The following CACNA1D variants were observed in gnomAD, a reference collection of about 807,000 sequenced individuals.
CACNA1D encodes voltage-dependent L-type calcium channel subunit alpha-1D.
In CACNA1D, 55 loss-of-function variants were observed where a neutral mutation model predicts 257.1. The observed-to-expected ratio is 0.21, with a 90% CI of 0.17 to 0.27. The LOEUF (loss-of-function observed/expected upper bound fraction) is 0.27, where lower values mean the gene tolerates loss of function less well. Ranked by LOEUF, CACNA1D falls within the 10% of genes least tolerant of loss-of-function variation. CACNA1D has a pLI of 1.00. For missense variants in CACNA1D, 1,876 were observed against 2,784.0 expected, an observed-to-expected ratio of 0.67 and a Z score of 7.34; for synonymous variants, 980 against 1,014.9, an observed-to-expected ratio of 0.97 and a Z score of 0.65.
chr3:53,696,915 T>A (rs947008433), intron 8 of CACNA1D, among the ~76,000 whole-genome samples: 18 of 146,420 alleles, frequency 1.2e-4, no homozygotes, highest in Admixed American at 4.8e-4. Flanking sequence ...CTGAGTAGGA[T>A]GCCACCAGGG....
intron 8 of CACNA1D, among the ~76,000 whole-genome samples, chr3:53,674,626 A>G (rs2094356337): frequency 6.6e-6 from 1 of 152,202 alleles, no homozygotes; most frequent in Non-Finnish European, 1.5e-5. Context: ...TGGAGATGCC[A>G]TCCCAGAACC....
chr3:53,672,913 C>A, intron 7 of CACNA1D, 110 bp from the exon 8 acceptor site: 1 of 713,218 alleles, frequency 1.4e-6, no homozygotes, highest in Admixed American at 2.7e-5. Context: ...TGATTTAAAT[C>A]TAAGTAAATG....
rs1359504665 is a variant in CACNA1D at position 53,650,775 on chromosome 3, A to G, written c.484-4A>G. ...TTGGTATGTTTCTTTGTTTTTCTTC[A>G]CAGGAAAAAGTAGAATATGCCTTCC... On this transcript the variant is annotated splice_region_variant and splice_polypyrimidine_tract_variant and intron_variant, in intron 3 of 47. Coordinates refer to ENST00000350061, the MANE Select transcript of CACNA1D (RefSeq NM_001128840.3). 1.2e-6 allele frequency: 2 copies of G among 1,613,676 alleles called. No individual in the cohort carries two copies. Among genetic ancestry groups the G allele is most frequent in the Non-Finnish European group, 1.7e-6 (2 of 1,179,896 alleles).
chr3:53,517,072 T>G lies in CACNA1D; in HGVS notation c.483+15352T>G, dbSNP rs1414651177. Among the ~76,000 whole-genome samples, 7 of 152,292 alleles carry G rather than the reference T, an allele frequency of 4.6e-5. No individual in the cohort carries two copies. In the East Asian group the frequency reaches 1.2e-3, roughly 25 times the overall value. On this transcript the variant is annotated intron_variant, in intron 3 of 47. Transcript: ENST00000350061. ...GGTCATAAAGCAGGAGGTAAAAATT[T>G]AAATGAGATCTGTGTGAAAGCGTTT...
intron 3 of CACNA1D, among the ~76,000 whole-genome samples, chr3:53,549,015 TA>T (rs2092474027): frequency 6.6e-6 from 1 of 152,172 alleles, no homozygotes; most frequent in African/African-American, 2.4e-5. Flanking sequence ...ACAGAAGAGT[TA>T]AAAAATAGAA....
intron 45 of CACNA1D, among the ~76,000 whole-genome samples, chr3:53,805,717 T>A (rs1277866227): frequency 1.4e-5 from 2 of 145,844 alleles, no homozygotes; most frequent in Non-Finnish European, 3.0e-5. Flanking sequence ...TCTTCCCTCC[T>A]CCTCCTCCAT....
chr3:53,756,239 C>G (rs2095264191), intron 29 of CACNA1D, among the ~76,000 whole-genome samples: 1 of 152,138 alleles, frequency 6.6e-6, no homozygotes, highest in Non-Finnish European at 1.5e-5. Context: ...ACCTTAAGGA[C>G]TTATTTTATG....
chr3:53,720,436 A>G (rs1001496982), intron 11 of CACNA1D, among the ~76,000 whole-genome samples: 14 of 152,234 alleles, frequency 9.2e-5, no homozygotes, highest in African/African-American at 2.7e-4. Context: ...TCAAAATTAA[A>G]CTTCTGTTCT....
chr3:53,658,388 T>G (rs2094170006), intron 4 of CACNA1D, among the ~76,000 whole-genome samples: 1 of 152,226 alleles, frequency 6.6e-6, no homozygotes, highest in Non-Finnish European at 1.5e-5. Flanking sequence ...CTTGCAGCCC[T>G]GCACTGTGTG....
At chr3:53,769,579 G>C (rs1337945801) in intron 30 of CACNA1D, among the ~76,000 whole-genome samples, 2 of 152,218 alleles carry the variant, frequency 1.3e-5, no homozygotes, top group Admixed American at 6.5e-5. Context: ...GAGACATTCT[G>C]TTCCTCGGGG....
At chr3:53,634,994 A>G (rs1238784369) in intron 3 of CACNA1D, among the ~76,000 whole-genome samples, 1 of 152,164 alleles carries the variant, frequency 6.6e-6, no homozygotes, top group African/African-American at 2.4e-5. Flanking sequence ...CGTCTCATTT[A>G]GTGGATGAGG....
At chr3:53,783,647 C>T (rs567416773) in intron 39 of CACNA1D, among the ~76,000 whole-genome samples, 56 of 152,288 alleles carry the variant, frequency 3.7e-4, no homozygotes, top group African/African-American at 1.3e-3. Flanking sequence ...GCTGTGGCCA[C>T]GAAGGAAGTT....
intron 37 of CACNA1D, among the ~76,000 whole-genome samples, chr3:53,777,350 A>G (rs2095403507): frequency 6.6e-6 from 1 of 152,202 alleles, no homozygotes; most frequent in Non-Finnish European, 1.5e-5. Flanking sequence ...GGCCCCAGGT[A>G]CAAGCTGAGC....
intron 9 of CACNA1D, among the ~76,000 whole-genome samples, chr3:53,714,139 G>A (rs1225699223): frequency 6.6e-6 from 1 of 152,176 alleles, no homozygotes; most frequent in Non-Finnish European, 1.5e-5. Flanking sequence ...CTCTAACAAA[G>A]CTCTAACATT....
rs1305992235 is a variant in CACNA1D at position 53,723,576 on chromosome 3, C to G, written c.1809C>G (p.Ile603Met). The G allele has an allele frequency of 3.7e-6, 6 of 1,614,102 alleles. No homozygotes were observed. Among genetic ancestry groups the G allele is most frequent in the Non-Finnish European group, 5.1e-6 (6 of 1,180,020 alleles). Residue 603 changes from isoleucine (I) to methionine (M), a missense_variant, in exon 13 of 48, where the codon ATC (isoleucine) becomes ATG (methionine). By Grantham distance (10) the Ile-to-Met change is conservative. Around this residue, in one of 10 missense-constraint regions of CACNA1D, gnomAD observed 257 missense variants for 399.7 expected, o/e 0.64. Transcript: ENST00000350061. This position sits in a 1 kb window ranked among gnomAD's most constrained non-coding sequence, Gnocchi z 5.6. ...TGTGTGGTGGAATCACTGAGACGAT[C>G]TTGGTGGAACTGGAAATCATGTCTC... The part of the protein sequence containing the change: ...FVVCGGITET[I>M]LVELEIMSPL...
At chr3:53,706,016 T>G (rs2094685225) in intron 9 of CACNA1D, among the ~76,000 whole-genome samples, 1 of 152,196 alleles carries the variant, frequency 6.6e-6, no homozygotes, top group Admixed American at 6.5e-5. Context: ...AATGTGGGTG[T>G]TGCCAGTGTT....
intron 3 of CACNA1D, among the ~76,000 whole-genome samples, chr3:53,552,899 T>C (rs2092564092): frequency 6.6e-6 from 1 of 152,236 alleles, no homozygotes; most frequent in Non-Finnish European, 1.5e-5. Context: ...TTATTTTGTG[T>C]ATTCCCACTG....
intron 3 of CACNA1D, among the ~76,000 whole-genome samples, chr3:53,542,484 G>A (rs1033374769): frequency 6.6e-6 from 1 of 152,132 alleles, no homozygotes. Flanking sequence ...AGAGGCTGAG[G>A]TGGGATGATC....
intron 8 of CACNA1D, among the ~76,000 whole-genome samples, chr3:53,699,962 C>A (rs1257532244): frequency 6.6e-6 from 1 of 151,142 alleles, no homozygotes; most frequent in African/African-American, 2.4e-5. Context: ...GTTAAAAAGG[C>A]ATAAAATATT....
Sources: gnomAD v4.1 joint callset for allele counts (sites outside exome capture counted in the v4.1 genomes callset) on GRCh38, gnomAD v4.1.1 for gene constraint, gnomAD v4.1.1 regional missense constraint, Gnocchi (gnomAD v3.1) non-coding constraint, MANE v1.5 for transcripts, NCBI Gene and HGNC (gene_info 2026-07-23, HGNC 2026-07-21) for gene names.